VPS53: variants seen among roughly 807,000 people sequenced by gnomAD.
VPS53 encodes VPS53 subunit of GARP complex, also known as vacuolar protein sorting-associated protein 53 homolog.
A neutral mutation model predicts 107.0 loss-of-function variants in VPS53; 70 were observed. That is an observed-to-expected ratio of 0.65 (90% CI 0.54 to 0.80). VPS53 has a LOEUF of 0.80. Ranked by LOEUF, VPS53 falls within the 30% of genes least tolerant of loss-of-function variation. The probability of loss-of-function intolerance (pLI) is 0.00; values close to 1 mark genes in which losing one functional copy is unlikely to be tolerated. For synonymous variants in VPS53, 409 were observed against 393.3 expected (o/e 1.04, Z -0.47); for missense variants, 917 against 1,049.4 (o/e 0.87, Z 1.74).
chr17:628,729 T>C (rs1456144716), intron 8 of VPS53, among the ~76,000 whole-genome samples: 1 of 152,146 alleles, frequency 6.6e-6, no homozygotes, highest in Admixed American at 6.6e-5. Context: ...TAGTGTGGTC[T>C]CCCTTAACAC....
chr17:612,023 A>C (rs1968903337), intron 11 of VPS53, among the ~76,000 whole-genome samples: 1 of 151,832 alleles, frequency 6.6e-6, no homozygotes, highest in African/African-American at 2.4e-5. Context: ...ACACAGTGAA[A>C]ACCTGTACAA....
At position 519,049 on chromosome 17, in the gene VPS53, G is replaced by T; in HGVS notation, c.*79C>A. ...AGACCGACGATGTGAGAGTGCCGGG[G>T]AGCACAGGAGAGGTTGGGGGCTTCT... is the stretch of plus-strand genomic sequence containing the variant. On this transcript the variant is annotated 3_prime_UTR_variant, in exon 22 of 22. Transcript: ENST00000437048. This position sits in a 1 kb window ranked among gnomAD's most constrained non-coding sequence, Gnocchi z 5.0. The T allele has an allele frequency of 7.1e-7, 1 of 1,398,750 alleles. No homozygotes were observed. The highest frequency in any genetic ancestry group is 9.5e-7 in the Non-Finnish European group (1 of 1,057,744). The allele number at this position is 1,398,750 out of a possible 1,614,324, so 86.6% of individuals were successfully genotyped here.
chr17:704,549 T>C (rs1282896251), intron 2 of VPS53, among the ~76,000 whole-genome samples: 1 of 152,224 alleles, frequency 6.6e-6, no homozygotes, highest in Non-Finnish European at 1.5e-5. Flanking sequence ...TTCTACTACC[T>C]TTTCATTAAG....
intron 11 of VPS53, among the ~76,000 whole-genome samples, chr17:607,512 C>T (rs1473385428): frequency 6.6e-6 from 1 of 152,240 alleles, no homozygotes; most frequent in Non-Finnish European, 1.5e-5. Context: ...GGAGCGATCA[C>T]TGGCATAACG....
At chr17:670,701 C>T (rs754430596) in intron 4 of VPS53, among the ~76,000 whole-genome samples, 6 of 152,104 alleles carry the variant, frequency 3.9e-5, no homozygotes, top group South Asian at 2.1e-4. Flanking sequence ...CCTGTGAGTC[C>T]GCAGGCAGCC....
At position 656,924 on chromosome 17, in the gene VPS53, T is replaced by C. The variant is rs1386735740; in HGVS notation, c.373-971A>G. 17 of 1,344,156 alleles carry C rather than the reference T, an allele frequency of 1.3e-5. No homozygotes were observed. The East Asian group carries it at 3.9e-4, about 31-fold the overall frequency. The allele number at this position is 1,344,156 out of a possible 1,614,324, so 83.3% of individuals were successfully genotyped here. A position where few individuals can be genotyped will look rare whatever the true frequency, so the allele number is the denominator to read the frequency against. ...GCCAATAGTGAAAATGTTGGAAACT[T>C]GAGTGCCAAAGCTGTTGCCACTGGT... On this transcript the variant is annotated intron_variant, in intron 5 of 21. Transcript: ENST00000437048.
At chr17:606,075 C>A (rs1339457527) in intron 11 of VPS53, among the ~76,000 whole-genome samples, 1 of 152,078 alleles carries the variant, frequency 6.6e-6, no homozygotes, top group African/African-American at 2.4e-5. Flanking sequence ...CAGGAAAGGG[C>A]TGATGGGGAA....
At chr17:642,012 G>C (rs1970440522) in intron 7 of VPS53, among the ~76,000 whole-genome samples, 1 of 152,186 alleles carries the variant, frequency 6.6e-6, no homozygotes, top group Non-Finnish European at 1.5e-5. Flanking sequence ...CTTTTCGTAA[G>C]GGGGAGTCAC....
intron 5 of VPS53, among the ~76,000 whole-genome samples, chr17:656,512 T>C (rs1234191612): frequency 6.6e-6 from 1 of 152,078 alleles, no homozygotes; most frequent in Non-Finnish European, 1.5e-5. Context: ...GAGAAGGCAA[T>C]TTGGGGAGTA....
chr17:573,669 T>G (rs141122295), intron 13 of VPS53, among the ~76,000 whole-genome samples: 47 of 152,258 alleles, frequency 3.1e-4, no homozygotes, highest in Admixed American at 2.3e-3. Context: ...ACAAAGTCCA[T>G]GAGGTCGGCC....
Position 514,438 on chromosome 17 carries a change from C to T in VPS53, c.*4690G>A, listed in dbSNP as rs1050274085. Reference sequence around the variant, plus strand: ...CATTTCCAGCAGGTTATTCTGAGTGCTCTTCCTAGCCAAGGAATCCCATTT... The same window carrying T: ...CATTTCCAGCAGGTTATTCTGAGTGTTCTTCCTAGCCAAGGAATCCCATTT... On this transcript the variant is annotated 3_prime_UTR_variant, in exon 22 of 22. Transcript: ENST00000437048. 5.5e-5 allele frequency: 7 copies of T among 127,426 alleles called. No homozygotes were observed. The highest frequency in any genetic ancestry group is 2.2e-4 in the African/African-American group (7 of 31,226). The allele number at this position is 127,426 out of a possible 1,614,324, so 7.9% of individuals were successfully genotyped here.
intron 3 of VPS53, among the ~76,000 whole-genome samples, chr17:698,881 T>G (rs117411136): frequency 6.6e-6 from 1 of 151,924 alleles, no homozygotes; most frequent in African/African-American, 2.4e-5. Context: ...ATAAAATAAT[T>G]ATATGGCCGG....
chr17:713,681 G>GA (rs1412305590), intron 1 of VPS53, among the ~76,000 whole-genome samples: 1 of 150,326 alleles, frequency 6.7e-6, no homozygotes, highest in African/African-American at 2.4e-5. Context: ...AAAAAGAAAA[G>GA]AAAAAAATCA....
intron 15 of VPS53, among the ~76,000 whole-genome samples, chr17:554,838 T>C (rs1056487538): frequency 1.3e-5 from 2 of 152,214 alleles, no homozygotes; most frequent in African/African-American, 4.8e-5. Context: ...ACATATTGCC[T>C]AAACCAGCAA....
chr17:695,467 C>G (rs1972924676), intron 4 of VPS53, among the ~76,000 whole-genome samples: 1 of 152,076 alleles, frequency 6.6e-6, no homozygotes, highest in Non-Finnish European at 1.5e-5. Flanking sequence ...TCGTAGAGCA[C>G]AAAGTCTTCA....
At chr17:619,828 G>A (rs1318110293) in intron 11 of VPS53, among the ~76,000 whole-genome samples, 64 of 110,882 alleles carry the variant, frequency 5.8e-4, no homozygotes, top group Middle Eastern at 7.4e-3. Context: ...GCACCACCAC[G>A]CCCCGCTAAT....
chr17:550,694 G>A (rs990036093), intron 17 of VPS53, among the ~76,000 whole-genome samples: 2 of 152,038 alleles, frequency 1.3e-5, no homozygotes, highest in Admixed American at 6.6e-5. Flanking sequence ...AAGACTACAA[G>A]AGAGATAAAA....
chr17:707,753 G>A (rs368194608), intron 2 of VPS53, among the ~76,000 whole-genome samples: 5 of 151,008 alleles, frequency 3.3e-5, no homozygotes, highest in East Asian at 1.9e-4. Flanking sequence ...TCAGAAGGCC[G>A]ATGTAGTGGG....
At chr17:696,101 A>G (rs997986856) in intron 4 of VPS53, among the ~76,000 whole-genome samples, 2 of 152,234 alleles carry the variant, frequency 1.3e-5, no homozygotes, top group African/African-American at 4.8e-5. Context: ...GAGTCCAGAA[A>G]ACCAGAACAG....
Sources: gnomAD v4.1 joint callset for allele counts (sites outside exome capture counted in the v4.1 genomes callset) on GRCh38, gnomAD v4.1.1 for gene constraint, Gnocchi (gnomAD v3.1) non-coding constraint, MANE v1.5 for transcripts, NCBI Gene and HGNC (gene_info 2026-07-23, HGNC 2026-07-21) for gene names.